The following AMPH variants were observed in gnomAD, a reference collection of about 807,000 sequenced individuals.
The protein encoded by AMPH is amphiphysin (Stiff-Mann syndrome with breast cancer 128kD autoantigen).
A neutral mutation model predicts 99.1 loss-of-function variants in AMPH; 49 were observed. The ratio of observed to expected loss-of-function variants is 0.49; its 90% CI spans 0.39 to 0.63. The LOEUF is 0.63. AMPH is among the 20% of genes least tolerant of loss of function. The probability of loss-of-function intolerance (pLI) is 0.00; values close to 1 mark genes in which losing one functional copy is unlikely to be tolerated. For synonymous variants in AMPH, 314 were observed against 317.3 expected, an observed-to-expected ratio of 0.99 and a Z score of 0.11; for missense variants, 759 against 863.4, an observed-to-expected ratio of 0.88 and a Z score of 1.52.
chr7:38,511,920 T>C (rs775456807), intron 2 of AMPH, among the ~76,000 whole-genome samples: 25 of 152,232 alleles, frequency 1.6e-4, no homozygotes, highest in Admixed American at 3.9e-4. Context: ...CTCAGGCTTA[T>C]ATCCAAGTGG....
intron 7 of AMPH, among the ~76,000 whole-genome samples, chr7:38,474,013 G>A (rs886738291): frequency 1.3e-5 from 2 of 151,926 alleles, no homozygotes; most frequent in Non-Finnish European, 2.9e-5. Flanking sequence ...GCTTCTGAAA[G>A]AAAAGGTGTA....
At chr7:38,426,524 C>T (rs1318498060) in intron 15 of AMPH, among the ~76,000 whole-genome samples, 1 of 152,144 alleles carries the variant, frequency 6.6e-6, no homozygotes, top group Admixed American at 6.5e-5. Flanking sequence ...CTCCTAAAAC[C>T]CTCTCACATT....
chr7:38,397,117 A>G (rs1408207388), intron 17 of AMPH, among the ~76,000 whole-genome samples: 1 of 152,372 alleles, frequency 6.6e-6, no homozygotes, highest in East Asian at 1.9e-4. Context: ...ACACACATGC[A>G]GCAGAGGCAC....
At chr7:38,437,985 T>C (rs999364556) in intron 11 of AMPH, among the ~76,000 whole-genome samples, 8 of 152,220 alleles carry the variant, frequency 5.3e-5, no homozygotes, top group African/African-American at 1.9e-4. Context: ...TTCACAAGGA[T>C]AATGCCCTTC....
chr7:38,403,294 C>T (rs1784893393), intron 17 of AMPH, among the ~76,000 whole-genome samples: 1 of 152,194 alleles, frequency 6.6e-6, no homozygotes, highest in Admixed American at 6.5e-5. Flanking sequence ...GGTGGGGGTG[C>T]TTCTCTACTC....
At chr7:38,438,092 G>A (rs778578110) in intron 11 of AMPH, among the ~76,000 whole-genome samples, 1 of 152,054 alleles carries the variant, frequency 6.6e-6, no homozygotes, top group Admixed American at 6.5e-5. Context: ...CAACTTTTAT[G>A]TAGGTAAAAA....
At chr7:38,541,869 A>C (rs948960679) in intron 1 of AMPH, among the ~76,000 whole-genome samples, 1 of 152,216 alleles carries the variant, frequency 6.6e-6, no homozygotes, top group Admixed American at 6.5e-5. Flanking sequence ...AAGAAAATTT[A>C]GTCCCTAGAT....
chr7:38,512,155 G>C (rs1179653186), intron 2 of AMPH, among the ~76,000 whole-genome samples: 1 of 152,170 alleles, frequency 6.6e-6, no homozygotes, highest in Admixed American at 6.5e-5. Flanking sequence ...TCTGGTTCCA[G>C]GTTTCAGTCA....
At chr7:38,615,185 A>C (rs1793833345) in intron 1 of AMPH, among the ~76,000 whole-genome samples, 1 of 152,172 alleles carries the variant, frequency 6.6e-6, no homozygotes, top group Non-Finnish European at 1.5e-5. Flanking sequence ...CAAATTGCCT[A>C]ACCATTCATC....
intron 1 of AMPH, among the ~76,000 whole-genome samples, chr7:38,611,768 A>C (rs1474723423): frequency 6.6e-6 from 1 of 152,216 alleles, no homozygotes; most frequent in East Asian, 1.9e-4. Flanking sequence ...TGCTTACATT[A>C]GTTCATCTTG....
chr7:38,625,074 G>A (rs1311227241), intron 1 of AMPH, among the ~76,000 whole-genome samples: 1 of 152,056 alleles, frequency 6.6e-6, no homozygotes, highest in Non-Finnish European at 1.5e-5. Context: ...CACCATAGAA[G>A]GTAAGAATGA....
chr7:38,547,235 C>T (rs564872313), intron 1 of AMPH, among the ~76,000 whole-genome samples: 1 of 152,162 alleles, frequency 6.6e-6, no homozygotes, highest in Non-Finnish European at 1.5e-5. Flanking sequence ...CCATAACCCT[C>T]CCCACAGAGA....
chr7:38,445,104 T>A (rs1786721787), intron 11 of AMPH, among the ~76,000 whole-genome samples: 1 of 127,588 alleles, frequency 7.8e-6, no homozygotes, highest in African/African-American at 3.4e-5. Flanking sequence ...ACATATATAT[T>A]AGATAGATAG....
intron 1 of AMPH, among the ~76,000 whole-genome samples, chr7:38,569,180 A>C (rs1423843407): frequency 6.6e-6 from 1 of 152,126 alleles, no homozygotes; most frequent in African/African-American, 2.4e-5. Flanking sequence ...GTTGAGAAAT[A>C]ATTTATGCTA....
In AMPH at chr7:38,532,722, G is replaced by A. The variant is rs1308475980; in HGVS notation, c.150+2209C>T. 2.0e-5 allele frequency among the ~76,000 whole-genome samples: 3 copies of A among 148,530 alleles called. No homozygotes were observed. In the East Asian group the frequency reaches 6.0e-4, roughly 30 times the overall value. Reference sequence around the variant, plus strand: ...TCAACAAAAAACAATCCTCACCTGGGGCAGTCAAGAAAGCTGGGAAAAAAA... The same window carrying A: ...TCAACAAAAAACAATCCTCACCTGGAGCAGTCAAGAAAGCTGGGAAAAAAA... On this transcript the variant is annotated intron_variant, in intron 2 of 20. Coordinates refer to ENST00000356264, the MANE Select transcript of AMPH (RefSeq NM_001635.4).
chr7:38,425,823 TGAAG>T (rs1447225058), intron 15 of AMPH, among the ~76,000 whole-genome samples: 4 of 152,142 alleles, frequency 2.6e-5, no homozygotes, highest in African/African-American at 9.7e-5. Context: ...AAACAGGAAA[TGAAG>T]GGAGTGTATG....
At chr7:38,625,690 T>A (rs1018102768) in intron 1 of AMPH, among the ~76,000 whole-genome samples, 8 of 152,108 alleles carry the variant, frequency 5.3e-5, no homozygotes, top group Non-Finnish European at 8.8e-5. Context: ...GATATCAAAA[T>A]TACCAATAAG....
rs1424770987 is a variant in AMPH at position 38,464,161 on chromosome 7, T to C, written c.750-1048A>G. The C allele has an allele frequency of 1.5e-5, 19 of 1,272,734 alleles. No individual in the cohort carries two copies. The East Asian group carries it at 8.9e-4, about 60-fold the overall frequency. The allele number at this position is 1,272,734 out of a possible 1,614,324, so 78.8% of individuals were successfully genotyped here. A position where few individuals can be genotyped will look rare whatever the true frequency, so the allele number is the denominator to read the frequency against. Reference sequence around the variant, plus strand: ...ATTAAGTGGTCATGGCCCCGCTTTTTCTTCACTGTATCTCATTTGGCAACA... The same window carrying C: ...ATTAAGTGGTCATGGCCCCGCTTTTCCTTCACTGTATCTCATTTGGCAACA... On this transcript the variant is annotated intron_variant, in intron 9 of 20. Coordinates refer to ENST00000356264, the MANE Select transcript of AMPH (RefSeq NM_001635.4).
At chr7:38,590,203 C>A (rs762787213) in intron 1 of AMPH, among the ~76,000 whole-genome samples, 10 of 152,106 alleles carry the variant, frequency 6.6e-5, no homozygotes, top group Non-Finnish European at 1.3e-4. Context: ...CAGAAGAGAA[C>A]CGTGGAACCC....
Sources: gnomAD v4.1 joint callset for allele counts (sites outside exome capture counted in the v4.1 genomes callset) on GRCh38, gnomAD v4.1.1 for gene constraint, MANE v1.5 for transcripts, NCBI Gene and HGNC (gene_info 2026-07-23, HGNC 2026-07-21) for gene names.